Variants in CDK19 observed in about 807,000 individuals in gnomAD.
The protein encoded by CDK19 is cyclin dependent kinase 19.
A neutral mutation model predicts 68.3 loss-of-function variants in CDK19; 20 were observed. The ratio of observed to expected loss-of-function variants is 0.29; its 90% CI spans 0.21 to 0.43. The LOEUF is 0.43. Among genes scored for constraint, CDK19 ranks in the 20% least tolerant of loss-of-function variants. The pLI is 1.00. For synonymous variants in CDK19, 221 were observed against 222.8 expected (o/e 0.99, Z 0.07); for missense variants, 339 against 623.5 (o/e 0.54, Z 4.86).
At chr6:110,768,952 A>C (rs1779783610) in intron 1 of CDK19, among the ~76,000 whole-genome samples, 1 of 151,928 alleles carries the variant, frequency 6.6e-6, no homozygotes, top group African/African-American at 2.4e-5. Context: ...CAGGAGTTTG[A>C]GACCAGCCTG....
chr6:110,690,521 C>CAAAA (rs1382113335), intron 2 of CDK19, among the ~76,000 whole-genome samples: 2 of 152,184 alleles, frequency 1.3e-5, no homozygotes, highest in African/African-American at 2.4e-5. Context: ...TGCTTGAGCA[C>CAAAA]AATGGGTTTC....
At chr6:110,698,000 T>C (rs761717984) in intron 2 of CDK19, among the ~76,000 whole-genome samples, 1 of 152,170 alleles carries the variant, frequency 6.6e-6, no homozygotes, top group South Asian at 2.1e-4. Flanking sequence ...TCTTACCTTA[T>C]ACAGAAATCA....
At chr6:110,719,277 A>G (rs1775640893) in intron 2 of CDK19, among the ~76,000 whole-genome samples, 1 of 152,178 alleles carries the variant, frequency 6.6e-6, no homozygotes, top group Admixed American at 6.5e-5. Flanking sequence ...TGAGCCCAGG[A>G]GTTTTGAGAC....
intron 5 of CDK19, among the ~76,000 whole-genome samples, chr6:110,635,100 G>A (rs1463349054): frequency 1.3e-5 from 2 of 152,126 alleles, no homozygotes; most frequent in Non-Finnish European, 2.9e-5. Context: ...TCACAGATAA[G>A]GTTAGTAAAA....
intron 1 of CDK19, among the ~76,000 whole-genome samples, chr6:110,810,360 G>A (rs932926823): frequency 6.6e-6 from 1 of 152,154 alleles, no homozygotes; most frequent in African/African-American, 2.4e-5. Context: ...GATTTTATAG[G>A]AAAATGACAC....
chr6:110,753,382 T>A (rs1258452347), intron 1 of CDK19, among the ~76,000 whole-genome samples: 6 of 152,068 alleles, frequency 3.9e-5, no homozygotes, highest in African/African-American at 1.4e-4. Flanking sequence ...TCAAAACAAC[T>A]AGAATAATTT....
intron 2 of CDK19, among the ~76,000 whole-genome samples, chr6:110,715,608 C>A (rs1211247586): frequency 6.6e-6 from 1 of 152,162 alleles, no homozygotes; most frequent in Non-Finnish European, 1.5e-5. Context: ...CTGCCTCAGT[C>A]CCCCGAGTAC....
chr6:110,764,963 AT>A (rs1779473776), intron 1 of CDK19, among the ~76,000 whole-genome samples: 1 of 150,332 alleles, frequency 6.7e-6, no homozygotes, highest in African/African-American at 2.4e-5. Context: ...AAATAAATAA[AT>A]AAATAAATAA....
intron 4 of CDK19, chr6:110,643,082 G>C: frequency 1.6e-6 from 1 of 620,036 alleles, no homozygotes; most frequent in Non-Finnish European, 2.3e-6. Flanking sequence ...GCAAGGTAAG[G>C]AAGCTGAGCC....
intron 2 of CDK19, among the ~76,000 whole-genome samples, chr6:110,689,931 G>A (rs749621943): frequency 3.9e-5 from 6 of 152,110 alleles, no homozygotes; most frequent in African/African-American, 1.2e-4. Flanking sequence ...GGAACATCCC[G>A]TGGGACAAAA....
chr6:110,794,998 C>T (rs1174707236), intron 1 of CDK19, among the ~76,000 whole-genome samples: 1 of 152,096 alleles, frequency 6.6e-6, no homozygotes, highest in African/African-American at 2.4e-5. Flanking sequence ...GTGACAGGGT[C>T]TCAGTCTGTC....
At chr6:110,680,454 G>A (rs897829477) in intron 2 of CDK19, among the ~76,000 whole-genome samples, 1 of 152,032 alleles carries the variant, frequency 6.6e-6, no homozygotes, top group Admixed American at 6.6e-5. Flanking sequence ...GAAAATGCTA[G>A]GCTCTAGATA....
At chr6:110,807,897 T>A (rs1782791809) in intron 1 of CDK19, among the ~76,000 whole-genome samples, 2 of 151,402 alleles carry the variant, frequency 1.3e-5, no homozygotes, top group African/African-American at 4.9e-5. Flanking sequence ...AGCCTCAAAC[T>A]CCTGGGCTCA....
At chr6:110,801,389 G>A (rs888035570) in intron 1 of CDK19, among the ~76,000 whole-genome samples, 1 of 152,172 alleles carries the variant, frequency 6.6e-6, no homozygotes, top group Non-Finnish European at 1.5e-5. Flanking sequence ...AGAGGCTGAG[G>A]TGGGAGAATT....
At chr6:110,685,045 G>T (rs1772345583) in intron 2 of CDK19, among the ~76,000 whole-genome samples, 1 of 152,162 alleles carries the variant, frequency 6.6e-6, no homozygotes, top group South Asian at 2.1e-4. Flanking sequence ...GGCTGAGGCA[G>T]GAGAATCTCT....
rs1781089844 is a variant in CDK19 at position 110,653,299 on chromosome 6, A to G, written c.456+14135T>C. ...ATTCTATATTAAGTTGTGTTTGCAG[A>G]TGTTATGCTTAATTTTCAAAAGACT... On this transcript the variant is annotated intron_variant, in intron 4 of 12. Transcript: ENST00000368911. 3.3e-5 allele frequency among the ~76,000 whole-genome samples: 5 copies of G among 152,156 alleles called. No homozygotes were observed. The South Asian group carries it at 8.3e-4, about 25-fold the overall frequency.
intron 2 of CDK19, among the ~76,000 whole-genome samples, chr6:110,671,319 T>C (rs559223345): frequency 4.2e-4 from 64 of 152,278 alleles, no homozygotes; most frequent in Admixed American, 7.2e-4. Flanking sequence ...TTGCTCAAGG[T>C]AAAAGCCTTA....
chr6:110,735,445 TAGAC>T (rs1379735077), intron 2 of CDK19, among the ~76,000 whole-genome samples: 2 of 152,158 alleles, frequency 1.3e-5, no homozygotes, highest in Non-Finnish European at 2.9e-5. Flanking sequence ...AAGCACCATA[TAGAC>T]AGATTCCAAG....
chr6:110,758,542 A>G (rs1445779108), intron 1 of CDK19, among the ~76,000 whole-genome samples: 1 of 152,230 alleles, frequency 6.6e-6, no homozygotes, highest in African/African-American at 2.4e-5. Flanking sequence ...AGTACTTTGC[A>G]AACAGTAGGA....
Sources: gnomAD v4.1 joint callset for allele counts (sites outside exome capture counted in the v4.1 genomes callset) on GRCh38, gnomAD v4.1.1 for gene constraint, MANE v1.5 for transcripts, NCBI Gene and HGNC (gene_info 2026-07-23, HGNC 2026-07-21) for gene names.